SPMIP2: variants seen among roughly 807,000 people sequenced by gnomAD.
SPMIP2 encodes the protein protein SPMIP2.
At chr4:159,060,418 T>C in the SPMIP2 span, among the ~76,000 whole-genome samples, 10 of 152,290 alleles carry the variant, frequency 6.6e-5, no homozygotes, top group Admixed American at 5.2e-4. Context: ...TTAAGGCAGA[T>C]GTAATCTACT....
chr4:158,964,142 G>A, the SPMIP2 span, among the ~76,000 whole-genome samples: 19,332 of 134,844 alleles, frequency 0.14, 2,227 homozygotes, highest in African/African-American at 0.31. Context: ...GCAACAGAGT[G>A]AGACTATCTC....
the SPMIP2 span, among the ~76,000 whole-genome samples, chr4:159,003,614 C>T: frequency 1.4e-4 from 21 of 152,128 alleles, no homozygotes; most frequent in African/African-American, 4.8e-4. Flanking sequence ...CTCAACTACC[C>T]TTGTGAGAAT....
At chr4:159,031,496 A>G in the SPMIP2 span, among the ~76,000 whole-genome samples, 1 of 152,250 alleles carries the variant, frequency 6.6e-6, no homozygotes, top group East Asian at 1.9e-4. Flanking sequence ...AGACAAAAAG[A>G]GAAAACACAA....
At chr4:158,906,199 C>T in the SPMIP2 span, 1 of 152,158 alleles carries the variant, frequency 6.6e-6, no homozygotes, top group African/African-American at 2.4e-5. Flanking sequence ...TCCATGACAT[C>T]ATTGTTTGCT....
At chr4:159,019,434 G>A in the SPMIP2 span, among the ~76,000 whole-genome samples, 3 of 151,858 alleles carry the variant, frequency 2.0e-5, no homozygotes, top group Non-Finnish European at 2.9e-5. Context: ...GCATCTTTTC[G>A]TCTTTCTCTG....
At chr4:158,993,480 G>GT in the SPMIP2 span, among the ~76,000 whole-genome samples, 1,024 of 151,264 alleles carry the variant, frequency 6.8e-3, 7 homozygotes, top group African/African-American at 0.022. Context: ...CTTCTGTGCA[G>GT]TTTTTTTTTA....
the SPMIP2 span, among the ~76,000 whole-genome samples, chr4:159,019,662 G>T: frequency 6.6e-6 from 1 of 152,178 alleles, no homozygotes; most frequent in Non-Finnish European, 1.5e-5. Flanking sequence ...TGAAAGTTCA[G>T]TGTCCTGGGA....
At chr4:159,007,735 T>C in the SPMIP2 span, 1 of 654,438 alleles carries the variant, frequency 1.5e-6, no homozygotes. Context: ...GCCATGGTGC[T>C]GGACTTCGGG....
chr4:159,017,448 AT>A, the SPMIP2 span, among the ~76,000 whole-genome samples: 29 of 149,308 alleles, frequency 1.9e-4, no homozygotes, highest in Admixed American at 6.0e-4. Flanking sequence ...TCCTCCAACA[AT>A]TTTTTTTTTA....
chr4:159,028,084 A>G, the SPMIP2 span, among the ~76,000 whole-genome samples: 1 of 152,184 alleles, frequency 6.6e-6, no homozygotes, highest in Admixed American at 6.5e-5. Context: ...CCATATAAAC[A>G]GGGAGCAGGC....
the SPMIP2 span, among the ~76,000 whole-genome samples, chr4:159,068,376 T>C: frequency 6.6e-6 from 1 of 152,138 alleles, no homozygotes; most frequent in Non-Finnish European, 1.5e-5. Context: ...CGGATGAAAC[T>C]GGAAACCATC....
At chr4:159,079,110 C>T in the SPMIP2 span, among the ~76,000 whole-genome samples, 28,770 of 151,732 alleles carry the variant, frequency 0.19, 2,738 homozygotes, top group Admixed American at 0.25. Flanking sequence ...AGAGTGAGAT[C>T]CCATCTCAAA....
the SPMIP2 span, among the ~76,000 whole-genome samples, chr4:158,963,664 CA>C: frequency 3.3e-5 from 5 of 152,196 alleles, no homozygotes; most frequent in African/African-American, 1.2e-4. Context: ...CAACTGAATA[CA>C]AATCTAGGTG....
At chr4:158,988,513 A>G in the SPMIP2 span, among the ~76,000 whole-genome samples, 1 of 152,204 alleles carries the variant, frequency 6.6e-6, no homozygotes. Context: ...AACTCAATCC[A>G]GCAGCACATC....
the SPMIP2 span, among the ~76,000 whole-genome samples, chr4:159,024,761 T>C: frequency 4.6e-5 from 7 of 152,248 alleles, no homozygotes; most frequent in African/African-American, 1.7e-4. Context: ...TTTTCTTTAA[T>C]GTTATTTAGA....
the SPMIP2 span, among the ~76,000 whole-genome samples, chr4:158,911,388 T>TA: frequency 3.4e-3 from 509 of 148,554 alleles, 6 homozygotes; most frequent in African/African-American, 0.012. Flanking sequence ...ATAAATAAAA[T>TA]AAATAAAAGC....
chr4:158,941,700 A>C, the SPMIP2 span, among the ~76,000 whole-genome samples: 1 of 152,174 alleles, frequency 6.6e-6, no homozygotes, highest in African/African-American at 2.4e-5. Flanking sequence ...ATTGTGCTTT[A>C]AATCTCTTGG....
the SPMIP2 span, among the ~76,000 whole-genome samples, chr4:159,011,577 C>T: frequency 6.6e-6 from 1 of 151,282 alleles, no homozygotes; most frequent in African/African-American, 2.4e-5. Context: ...CATGGAGAAA[C>T]CCTGTCTCTA....
the SPMIP2 span, among the ~76,000 whole-genome samples, chr4:158,945,776 C>T: frequency 2.4e-4 from 37 of 152,300 alleles, no homozygotes; most frequent in African/African-American, 8.4e-4. Context: ...AATTCAAAAT[C>T]TTTGAACTAG....
Sources: allele counts gnomAD v4.1 joint callset (sites outside exome capture counted in the v4.1 genomes callset), GRCh38; gene constraint gnomAD v4.1.1; transcripts MANE v1.5; gene names NCBI Gene and HGNC (gene_info 2026-07-23, HGNC 2026-07-21).